The following TSHR variants were observed in gnomAD, a reference collection of about 807,000 sequenced individuals.
TSHR encodes thyroid stimulating hormone receptor, also known as thyrotropin receptor.
In TSHR, 51 loss-of-function variants were observed where a neutral mutation model predicts 64.1. The ratio of observed to expected loss-of-function variants is 0.80; its 90% CI spans 0.64 to 1.01. The LOEUF (loss-of-function observed/expected upper bound fraction) is 1.01. Ranked by LOEUF, TSHR falls within the 50% of genes least tolerant of loss-of-function variation. The pLI is 0.00. For missense variants in TSHR, 877 were observed against 942.8 expected (o/e 0.93, Z 0.91); for synonymous variants, 361 against 361.9 (o/e 1.00, Z 0.03).
intron 1 of TSHR, chr14:81,003,225 C>T (rs547738897): frequency 6.6e-6 from 1 of 152,286 alleles, no homozygotes; most frequent in South Asian, 2.1e-4. Context: ...CGGTGACTCG[C>T]TCATTAAAGG....
intron 1 of TSHR, among the ~76,000 whole-genome samples, chr14:81,037,012 G>C (rs111747680): frequency 6.6e-6 from 1 of 151,880 alleles, no homozygotes. Context: ...GTGTGGTGGT[G>C]TGTGCCTGCA....
At chr14:80,983,369 C>T (rs1160212152) in intron 1 of TSHR, 1 of 1,105,334 alleles carries the variant, frequency 9.0e-7, no homozygotes, top group Admixed American at 2.3e-5. Flanking sequence ...TGAGAAAGTA[C>T]AAAACCAGAC....
intron 1 of TSHR, among the ~76,000 whole-genome samples, chr14:81,037,193 A>C (rs1884670509): frequency 6.6e-6 from 1 of 152,026 alleles, no homozygotes; most frequent in African/African-American, 2.4e-5. Flanking sequence ...GGTAGAAGGT[A>C]AGTCTAGAAT....
At chr14:81,088,817 C>A (rs1888488683) in intron 4 of TSHR, among the ~76,000 whole-genome samples, 1 of 152,038 alleles carries the variant, frequency 6.6e-6, no homozygotes, top group Admixed American at 6.5e-5. Flanking sequence ...ACCTTCAAAA[C>A]AAACTTATGT....
In TSHR at chr14:81,103,973, T is replaced by A; in HGVS notation, c.615-4402T>A. On this transcript the variant is annotated intron_variant, in intron 7 of 9. Coordinates refer to ENST00000298171, the MANE Select transcript of TSHR (RefSeq NM_000369.5). This position sits in a 1 kb window ranked among gnomAD's most constrained non-coding sequence, Gnocchi z 4.1. ...AACAGAATTAATGTGCTAATTAGCA[T>A]CATGCATTAGCTGATTCGAAGTAAA... The A allele has an allele frequency of 3.0e-6, 3 of 985,438 alleles. No individual in the cohort carries two copies. Among genetic ancestry groups the A allele is most frequent in the Non-Finnish European group, 3.6e-6 (3 of 829,926 alleles). The allele number at this position is 985,438 out of a possible 1,614,324, so 61.0% of individuals were successfully genotyped here.
At chr14:81,029,013 C>T (rs1001297263) in intron 1 of TSHR, among the ~76,000 whole-genome samples, 2 of 151,484 alleles carry the variant, frequency 1.3e-5, no homozygotes, top group African/African-American at 4.8e-5. Flanking sequence ...AATATATTAA[C>T]TTTATGTCTC....
Position 81,122,020 on chromosome 14 carries a change from C to CTTTTTT in TSHR, c.692+13604_692+13609dup, listed in dbSNP as rs1161879777. Among the ~76,000 whole-genome samples the CTTTTTT allele has an allele frequency of 2.4e-4, 11 of 44,906 alleles. 2 individuals carry two copies. Among genetic ancestry groups the CTTTTTT allele is most frequent in the East Asian group, 1.3e-3 (2 of 1,524 alleles). 29.5% of individuals were successfully genotyped at this position (44,906 alleles called of 152,430 possible). A position where few individuals can be genotyped will look rare whatever the true frequency, so the allele number is the denominator to read the frequency against. On this transcript the variant is annotated intron_variant, in intron 8 of 9. Coordinates refer to ENST00000298171, the MANE Select transcript of TSHR (RefSeq NM_000369.5). ...CTGGTTTGAGATGTGTTTTCTTTTCCTTTTTTTTTTTTTTTTTTTTTTTTT... is the reference window on the plus strand; with the variant it reads ...CTGGTTTGAGATGTGTTTTCTTTTCCTTTTTTTTTTTTTTTTTTTTTTTTTTTTTTT...
rs551761374 is a variant in TSHR, at chr14:81,090,802, T to C, written c.393-267T>C. On this transcript the variant is annotated intron_variant, in intron 4 of 9. Transcript: ENST00000298171. ...TATATTTCTAGTAAACCCACTTGGT[T>C]AAAACAATCTCCAGAGCATTCTAAG... Among the ~76,000 whole-genome samples the C allele has an allele frequency of 7.4e-4, 113 of 152,306 alleles. 1 individual carries two copies. The South Asian group carries it at 0.012, about 16-fold the overall frequency.
At chr14:81,012,749 G>A (rs1889985953) in intron 1 of TSHR, 1 of 151,550 alleles carries the variant, frequency 6.6e-6, no homozygotes, top group Non-Finnish European at 1.5e-5. Flanking sequence ...CTTTTGAGAA[G>A]TGTCTGTTCA....
At chr14:81,008,457 C>T (rs965963820) in intron 1 of TSHR, among the ~76,000 whole-genome samples, 1 of 152,122 alleles carries the variant, frequency 6.6e-6, no homozygotes, top group Admixed American at 6.5e-5. Flanking sequence ...CAGGCGTGAG[C>T]CACTGCACCT....
chr14:80,988,519 T>G (rs925880950), intron 1 of TSHR, among the ~76,000 whole-genome samples: 1 of 152,160 alleles, frequency 6.6e-6, no homozygotes, highest in African/African-American at 2.4e-5. Flanking sequence ...ACATTGAGGA[T>G]TACAATTTGA....
At chr14:80,977,827 T>C (rs1887955211) in intron 1 of TSHR, among the ~76,000 whole-genome samples, 2 of 152,294 alleles carry the variant, frequency 1.3e-5, no homozygotes, top group South Asian at 4.1e-4. Flanking sequence ...AATCACAGCT[T>C]ATTTGTCCAT....
intron 3 of TSHR, among the ~76,000 whole-genome samples, chr14:81,079,501 C>T (rs949790228): frequency 3.3e-5 from 5 of 152,182 alleles, no homozygotes; most frequent in Non-Finnish European, 7.3e-5. Context: ...AAAGTGTCTG[C>T]CTCCAAAACC....
chr14:81,001,416 G>A, intron 1 of TSHR: 1 of 448,764 alleles, frequency 2.2e-6, no homozygotes, highest in Non-Finnish European at 4.4e-6. Flanking sequence ...AGCTCTATAA[G>A]GCCAGTAGCA....
intron 1 of TSHR, among the ~76,000 whole-genome samples, chr14:81,046,474 C>T (rs1594996166): frequency 6.6e-6 from 1 of 150,662 alleles, no homozygotes; most frequent in Admixed American, 6.6e-5. Context: ...ACAATAGAAA[C>T]TAGCCAAAAT....
intron 6 of TSHR, among the ~76,000 whole-genome samples, chr14:81,094,532 T>C (rs1176429413): frequency 6.6e-6 from 1 of 152,118 alleles, no homozygotes; most frequent in Non-Finnish European, 1.5e-5. Flanking sequence ...TAGCTGGAAT[T>C]AAACTCGCTA....
intron 5 of TSHR, 89 bp downstream of exon 5, chr14:81,091,232 G>C: frequency 8.5e-7 from 1 of 1,181,752 alleles, no homozygotes; most frequent in Non-Finnish European, 1.3e-6. Context: ...TTGAAGATAA[G>C]TAAAGCAATT....
At position 81,103,943 on chromosome 14, in the gene TSHR, G is replaced by C; in HGVS notation, c.615-4432G>C. 1.0e-6 allele frequency: 1 copy of C among 985,410 alleles called. No homozygotes were observed. The highest frequency in any genetic ancestry group is 4.7e-5 in the South Asian group (1 of 21,284). The allele number at this position is 985,410 out of a possible 1,614,324, so 61.0% of individuals were successfully genotyped here. A position where few individuals can be genotyped will look rare whatever the true frequency, so the allele number is the denominator to read the frequency against. On this transcript the variant is annotated intron_variant, in intron 7 of 9. Transcript: ENST00000298171. This position sits in a 1 kb window ranked among gnomAD's most constrained non-coding sequence, Gnocchi z 4.1. ...ACCAATACACTAATTATTATGAACA[G>C]AGTCAACAGAATTAATGTGCTAATT...
chr14:80,964,210 A>T (rs1419014526), intron 1 of TSHR, among the ~76,000 whole-genome samples: 1 of 151,652 alleles, frequency 6.6e-6, no homozygotes, highest in South Asian at 2.1e-4. Flanking sequence ...TAAAAGTCCA[A>T]CCTCAACAAT....
Sources: gnomAD v4.1 joint callset for allele counts (sites outside exome capture counted in the v4.1 genomes callset) on GRCh38, gnomAD v4.1.1 for gene constraint, Gnocchi (gnomAD v3.1) non-coding constraint, MANE v1.5 for transcripts, NCBI Gene and HGNC (gene_info 2026-07-23, HGNC 2026-07-21) for gene names.